PLD5: variants seen among roughly 807,000 people sequenced by gnomAD.
PLD5 encodes the protein inactive phospholipase D5.
In PLD5, 36 loss-of-function variants were observed where a neutral mutation model predicts 61.1. The observed-to-expected ratio is 0.59, with a 90% CI of 0.45 to 0.78. The LOEUF (loss-of-function observed/expected upper bound fraction) is 0.78, where lower values mean the gene tolerates loss of function less well. PLD5 is among the 30% of genes least tolerant of loss of function. PLD5 has a pLI of 0.00. For synonymous variants in PLD5, 243 were observed against 242.8 expected (o/e 1.00, Z -0.01); for missense variants, 515 against 644.4 (o/e 0.80, Z 2.17).
At chr1:242,174,611 G>C (rs1179334547) in intron 5 of PLD5, among the ~76,000 whole-genome samples, 4 of 152,194 alleles carry the variant, frequency 2.6e-5, no homozygotes, top group Non-Finnish European at 5.9e-5. Context: ...TATGTTTACT[G>C]TGGCACCATT....
chr1:242,128,894 C>G (rs979715500), intron 5 of PLD5, among the ~76,000 whole-genome samples: 13 of 152,164 alleles, frequency 8.5e-5, no homozygotes, highest in Non-Finnish European at 1.2e-4. Context: ...TGAAAAGGCA[C>G]AGGCAAATAT....
chr1:242,415,985 T>C (rs1177814635), intron 1 of PLD5, among the ~76,000 whole-genome samples: 1 of 152,182 alleles, frequency 6.6e-6, no homozygotes, highest in African/African-American at 2.4e-5. Context: ...CAAAACAAAT[T>C]AACCTAAATG....
At chr1:242,366,520 G>A (rs1285414335) in intron 1 of PLD5, among the ~76,000 whole-genome samples, 1 of 152,124 alleles carries the variant, frequency 6.6e-6, no homozygotes, top group Non-Finnish European at 1.5e-5. Context: ...TCCTTTTCAA[G>A]GAGTTGTATT....
At chr1:242,522,969 A>G (rs932190361) in intron 1 of PLD5, among the ~76,000 whole-genome samples, 5 of 152,196 alleles carry the variant, frequency 3.3e-5, no homozygotes, top group Non-Finnish European at 5.9e-5. Flanking sequence ...ATTATAATAG[A>G]GAAATGCCCC....
chr1:242,374,625 T>C (rs1199786712), intron 1 of PLD5, among the ~76,000 whole-genome samples: 1 of 152,156 alleles, frequency 6.6e-6, no homozygotes, highest in African/African-American at 2.4e-5. Context: ...AAAGAAATTA[T>C]GTGGGTGTTA....
chr1:242,303,878 T>C (rs1471630215), intron 2 of PLD5, among the ~76,000 whole-genome samples: 4 of 152,194 alleles, frequency 2.6e-5, no homozygotes, highest in Non-Finnish European at 4.4e-5. Flanking sequence ...ATTTTTCCCT[T>C]TCCTCTAGTG....
At chr1:242,204,710 G>A (rs1211959101) in intron 5 of PLD5, among the ~76,000 whole-genome samples, 1 of 152,096 alleles carries the variant, frequency 6.6e-6, no homozygotes, top group Non-Finnish European at 1.5e-5. Context: ...CCTAACAATT[G>A]CAGGGGGTCG....
At chr1:242,446,562 G>A (rs570347743) in intron 1 of PLD5, among the ~76,000 whole-genome samples, 2 of 152,104 alleles carry the variant, frequency 1.3e-5, no homozygotes, top group Admixed American at 6.5e-5. Context: ...CCTGAGTGAC[G>A]GAATGAGATT....
At chr1:242,343,037 G>A (rs397842999) in intron 2 of PLD5, among the ~76,000 whole-genome samples, 12 of 152,158 alleles carry the variant, frequency 7.9e-5, no homozygotes. Context: ...TGGGCAGAAT[G>A]AATCAGAATG....
chr1:242,115,689 T>A (rs553537790), intron 6 of PLD5, among the ~76,000 whole-genome samples: 1 of 147,232 alleles, frequency 6.8e-6, no homozygotes, highest in East Asian at 2.0e-4. Flanking sequence ...TTTTTTCTTT[T>A]CTCCAAAATC....
In PLD5 at chr1:242,133,065, T is replaced by C. The variant is rs560018625; in HGVS notation, c.736-8400A>G. ...CCGCCCACACCCCACACCTTTTCTC[T>C]GCATCACACAAGAGAAATGGAAAGT... On this transcript the variant is annotated intron_variant, in intron 5 of 9. Coordinates refer to ENST00000536534, the MANE Select transcript of PLD5 (RefSeq NM_001372062.1). Among the ~76,000 whole-genome samples, 38 of 141,462 alleles carry C rather than the reference T, an allele frequency of 2.7e-4. 1 individual carries two copies. In the South Asian group the frequency reaches 9.4e-3, roughly 35 times the overall value. The allele number at this position is 141,462 out of a possible 152,430, so 92.8% of individuals were successfully genotyped here.
At chr1:242,334,152 G>A (rs1659364523) in intron 2 of PLD5, among the ~76,000 whole-genome samples, 1 of 152,062 alleles carries the variant, frequency 6.6e-6, no homozygotes. Flanking sequence ...TTCAAGGTGG[G>A]GAAATCCAGA....
intron 4 of PLD5, among the ~76,000 whole-genome samples, chr1:242,241,178 G>A (rs1056132339): frequency 7.2e-5 from 11 of 152,114 alleles, no homozygotes; most frequent in Non-Finnish European, 1.2e-4. Context: ...GAAGTTGTTG[G>A]TCAGACCCAC....
chr1:242,410,751 G>A (rs541332251), intron 1 of PLD5, among the ~76,000 whole-genome samples: 10 of 152,100 alleles, frequency 6.6e-5, no homozygotes, highest in Middle Eastern at 3.4e-3. Flanking sequence ...CAAGGTCATC[G>A]CCAAGCAGGT....
chr1:242,434,057 G>A (rs1665863765), intron 1 of PLD5, among the ~76,000 whole-genome samples: 1 of 152,182 alleles, frequency 6.6e-6, no homozygotes, highest in Non-Finnish European at 1.5e-5. Flanking sequence ...AGTGGAGGAG[G>A]GATCTACAAG....
intron 4 of PLD5, among the ~76,000 whole-genome samples, chr1:242,250,944 T>C (rs980775597): frequency 6.6e-6 from 1 of 152,204 alleles, no homozygotes; most frequent in African/African-American, 2.4e-5. Flanking sequence ...CAGACTGATT[T>C]GATTTTGAAG....
intron 1 of PLD5, among the ~76,000 whole-genome samples, chr1:242,409,895 T>C (rs1457527943): frequency 2.6e-5 from 4 of 152,172 alleles, no homozygotes; most frequent in Non-Finnish European, 4.4e-5. Context: ...CATGTTTGGG[T>C]GGACCCAGTT....
At chr1:242,195,071 A>G (rs962729045) in intron 5 of PLD5, among the ~76,000 whole-genome samples, 6 of 152,220 alleles carry the variant, frequency 3.9e-5, no homozygotes, top group African/African-American at 1.4e-4. Context: ...GAAAAAAAGT[A>G]TCTGTGTTCT....
At chr1:242,407,692 G>C (rs1664319178) in intron 1 of PLD5, among the ~76,000 whole-genome samples, 3 of 151,442 alleles carry the variant, frequency 2.0e-5, no homozygotes, top group Admixed American at 2.0e-4. Flanking sequence ...CGATTCTCCT[G>C]CTCAGCCTCC....
Sources: allele counts gnomAD v4.1 joint callset (sites outside exome capture counted in the v4.1 genomes callset), GRCh38; gene constraint gnomAD v4.1.1; transcripts MANE v1.5; gene names NCBI Gene and HGNC (gene_info 2026-07-23, HGNC 2026-07-21).